Variants in GALNTL6 observed in about 807,000 individuals in gnomAD.
GALNTL6 encodes polypeptide N-acetylgalactosaminyltransferase-like 6.
GALNTL6 carries 46 observed loss-of-function variants against 73.7 expected under a neutral mutation model. The observed-to-expected ratio is 0.62, with a 90% confidence interval of 0.49 to 0.80. GALNTL6 has a LOEUF of 0.80. GALNTL6 is among the 30% of genes least tolerant of loss of function. The pLI is 0.00. For missense variants in GALNTL6, 604 were observed against 755.0 expected, an observed-to-expected ratio of 0.80 and a Z score of 2.34; for synonymous variants, 259 against 263.7, an observed-to-expected ratio of 0.98 and a Z score of 0.17.
intron 12 of GALNTL6, among the ~76,000 whole-genome samples, chr4:173,039,534 G>T (rs114086644): frequency 0.013 from 1,997 of 152,132 alleles, 20 homozygotes; most frequent in Non-Finnish European, 0.02. Context: ...ACAATTTTTT[G>T]TGTATGTGTT....
chr4:172,463,034 TATAAG>T (rs1410726844), intron 5 of GALNTL6, among the ~76,000 whole-genome samples: 1 of 152,206 alleles, frequency 6.6e-6, no homozygotes, highest in African/African-American at 2.4e-5. Flanking sequence ...TTTAGATCAT[TATAAG>T]ATATCTAAAA....
At chr4:172,824,851 T>G (rs1246486948) in intron 7 of GALNTL6, among the ~76,000 whole-genome samples, 2 of 152,198 alleles carry the variant, frequency 1.3e-5, no homozygotes, top group Non-Finnish European at 2.9e-5. Flanking sequence ...ACTAGAAAAG[T>G]AACAGACTTT....
intron 2 of GALNTL6, among the ~76,000 whole-genome samples, chr4:171,964,569 C>T (rs1440588091): frequency 6.6e-6 from 1 of 152,096 alleles, no homozygotes; most frequent in Non-Finnish European, 1.5e-5. Flanking sequence ...TCTTGTTCCC[C>T]GAACATACCC....
intron 2 of GALNTL6, among the ~76,000 whole-genome samples, chr4:171,944,284 A>T (rs332993): frequency 6.6e-6 from 1 of 151,758 alleles, no homozygotes; most frequent in Non-Finnish European, 1.5e-5. Context: ...CAGATGCAAC[A>T]TTGTGTTGGA....
chr4:172,521,396 C>T (rs1350810662), intron 5 of GALNTL6, among the ~76,000 whole-genome samples: 1 of 152,096 alleles, frequency 6.6e-6, no homozygotes, highest in Non-Finnish European at 1.5e-5. Flanking sequence ...TTACAATATG[C>T]CATAATTTTT....
At chr4:172,002,977 C>T (rs1209318806) in intron 2 of GALNTL6, among the ~76,000 whole-genome samples, 2 of 152,072 alleles carry the variant, frequency 1.3e-5, no homozygotes, top group African/African-American at 4.8e-5. Flanking sequence ...TTAATGGTGT[C>T]AATAACAGTA....
chr4:172,939,081 A>G (rs994163508), intron 9 of GALNTL6, among the ~76,000 whole-genome samples: 1 of 152,140 alleles, frequency 6.6e-6, no homozygotes, highest in Non-Finnish European at 1.5e-5. Context: ...ATGCAGGAGG[A>G]TCACTTGAGA....
intron 3 of GALNTL6, among the ~76,000 whole-genome samples, chr4:172,256,386 T>C (rs919123750): frequency 6.6e-6 from 1 of 151,534 alleles, no homozygotes; most frequent in African/African-American, 2.4e-5. Context: ...ATTTTCACCA[T>C]GACCAGAAAG....
intron 7 of GALNTL6, among the ~76,000 whole-genome samples, chr4:172,857,433 C>T (rs940010108): frequency 3.3e-5 from 5 of 151,928 alleles, no homozygotes; most frequent in Non-Finnish European, 5.9e-5. Flanking sequence ...CTATGAGACA[C>T]GTTGGAAAGA....
At chr4:172,583,733 CTACTAAAAATACAAAAATTATCCGGG>C (rs1737284363) in intron 5 of GALNTL6, among the ~76,000 whole-genome samples, 2 of 151,750 alleles carry the variant, frequency 1.3e-5, no homozygotes, top group Admixed American at 6.6e-5. Flanking sequence ...AACCCCATCT[CTACTAAAAATACAAAAATTATCCGGG>C]GGTGGCACAC....
chr4:171,961,251 G>A (rs900569130), intron 2 of GALNTL6, among the ~76,000 whole-genome samples: 5 of 151,934 alleles, frequency 3.3e-5, no homozygotes, highest in African/African-American at 1.2e-4. Context: ...AAGCCCCTTG[G>A]GTAAACTGTC....
chr4:172,098,384 G>A (rs1732419136), intron 2 of GALNTL6, among the ~76,000 whole-genome samples: 1 of 152,044 alleles, frequency 6.6e-6, no homozygotes, highest in Non-Finnish European at 1.5e-5. Context: ...ACTGGGGTTG[G>A]TGATATATGA....
chr4:172,982,054 C>T (rs1433429151), intron 10 of GALNTL6, among the ~76,000 whole-genome samples: 2 of 152,114 alleles, frequency 1.3e-5, no homozygotes, highest in Non-Finnish European at 2.9e-5. Context: ...CTCGGCCTCC[C>T]AAAGTACTAG....
chr4:172,713,132 A>G (rs909997334), intron 5 of GALNTL6, among the ~76,000 whole-genome samples: 1 of 152,070 alleles, frequency 6.6e-6, no homozygotes. Flanking sequence ...CCCCTAGGTA[A>G]CTATACAAGA....
chr4:172,882,401 A>G (rs1423010320), intron 7 of GALNTL6, among the ~76,000 whole-genome samples: 1 of 152,196 alleles, frequency 6.6e-6, no homozygotes, highest in Non-Finnish European at 1.5e-5. Context: ...ATACTTTTAT[A>G]TGTCTGATAG....
chr4:172,823,857 A>G (rs943771991), intron 7 of GALNTL6, among the ~76,000 whole-genome samples: 6 of 152,242 alleles, frequency 3.9e-5, no homozygotes, highest in African/African-American at 1.4e-4. Context: ...AACATCTTTA[A>G]CAAGGGGGCC....
chr4:172,985,042 TA>T (rs1751232288), intron 10 of GALNTL6, among the ~76,000 whole-genome samples: 1 of 152,112 alleles, frequency 6.6e-6, no homozygotes, highest in African/African-American at 2.4e-5. Flanking sequence ...GGCCAGGCTC[TA>T]AAAAATAAAC....
At chr4:172,162,087 C>T (rs565931218) in intron 2 of GALNTL6, among the ~76,000 whole-genome samples, 13 of 151,894 alleles carry the variant, frequency 8.6e-5, no homozygotes, top group East Asian at 5.8e-4. Context: ...GGAGAAAATA[C>T]GAACATATTT....
chr4:172,170,241 G>A (rs915732871), intron 2 of GALNTL6, among the ~76,000 whole-genome samples: 1 of 152,166 alleles, frequency 6.6e-6, no homozygotes, highest in South Asian at 2.1e-4. Flanking sequence ...AGATCAGATG[G>A]AGGTAACTGG....
Sources: gnomAD v4.1 joint callset for allele counts (sites outside exome capture counted in the v4.1 genomes callset) on GRCh38, gnomAD v4.1.1 for gene constraint, MANE v1.5 for transcripts, NCBI Gene and HGNC (gene_info 2026-07-23, HGNC 2026-07-21) for gene names.